SERPINF2: variants seen among roughly 807,000 people sequenced by gnomAD.
SERPINF2 encodes serpin family F member 2.
Under a neutral mutation model 45.0 loss-of-function variants are expected in SERPINF2, and 15 were observed. The ratio of observed to expected loss-of-function variants is 0.33; its 90% CI spans 0.22 to 0.51. SERPINF2 has a LOEUF of 0.51. SERPINF2 is among the 20% of genes least tolerant of loss of function. SERPINF2 has a pLI of 0.97. For synonymous variants in SERPINF2, 283 were observed against 277.9 expected (o/e 1.02, Z -0.18); for missense variants, 518 against 637.4 (o/e 0.81, Z 2.02).
intron 1 of SERPINF2, chr17:1,744,511 A>G (rs1357982071): frequency 5.1e-6 from 5 of 982,182 alleles, no homozygotes; most frequent in Non-Finnish European, 6.0e-6. Flanking sequence ...AAACAACAAA[A>G]AATCCCAAAA....
intron 9 of SERPINF2, among the ~76,000 whole-genome samples, chr17:1,753,366 G>T (rs1398659228): frequency 1.3e-5 from 2 of 152,140 alleles, no homozygotes; most frequent in Non-Finnish European, 2.9e-5. Context: ...TCCAGCCTCA[G>T]CAAAAGAACT....
chr17:1,746,986 C>T (rs1288993401), intron 5 of SERPINF2, 33 bp from the exon 6 acceptor site: 1 of 1,597,610 alleles, frequency 6.3e-7, no homozygotes, highest in Non-Finnish European at 8.5e-7. Flanking sequence ...AAAGGACCCG[C>T]AGCCGGGCCT....
At chr17:1,744,178 G>C (rs976377055) in intron 1 of SERPINF2, among the ~76,000 whole-genome samples, 3 of 150,774 alleles carry the variant, frequency 2.0e-5, no homozygotes, top group Non-Finnish European at 4.4e-5. Context: ...TTACAGGCTT[G>C]AGCCACCGTG....
At chr17:1,754,037 C>T in intron 9 of SERPINF2, 85 bp from the exon 10 acceptor site, 2 of 1,512,282 alleles carry the variant, frequency 1.3e-6, no homozygotes, top group Non-Finnish European at 1.8e-6. Flanking sequence ...GTTCCCTGGC[C>T]AGGATCTCAG....
chr17:1,746,657 C>A (rs537916076), intron 5 of SERPINF2, among the ~76,000 whole-genome samples: 6 of 152,118 alleles, frequency 3.9e-5, no homozygotes, highest in Non-Finnish European at 7.4e-5. Flanking sequence ...GAACTCTCGA[C>A]CTAAGGTGAT....
At chr17:1,747,805 CCA>C (rs1457578818) in intron 7 of SERPINF2, among the ~76,000 whole-genome samples, 1 of 151,962 alleles carries the variant, frequency 6.6e-6, no homozygotes. Flanking sequence ...CTCAGGTGAT[CCA>C]CCCACCTCGG....
At position 1,745,983 on chromosome 17, in the gene SERPINF2, G is replaced by C; in HGVS notation, c.367+74G>C. 1 of 1,520,950 alleles carries C rather than the reference G, an allele frequency of 6.6e-7. No individual in the cohort carries two copies. The highest frequency in any genetic ancestry group is 9.1e-7 in the Non-Finnish European group (1 of 1,096,550). The allele number at this position is 1,520,950 out of a possible 1,614,324, so 94.2% of individuals were successfully genotyped here. A position where few individuals can be genotyped will look rare whatever the true frequency, so the allele number is the denominator to read the frequency against. On this transcript the variant is annotated intron_variant, in intron 5 of 9. Coordinates refer to ENST00000453066, the MANE Select transcript of SERPINF2 (RefSeq NM_000934.4). This position sits in a 1 kb window ranked among gnomAD's most constrained non-coding sequence, Gnocchi z 6.2. ...GAACTCAGTACTCCAATGGTTCTCCGCGGGCGGTTCCTCCACCAGGGTCAC... is the reference window on the plus strand; with the variant it reads ...GAACTCAGTACTCCAATGGTTCTCCCCGGGCGGTTCCTCCACCAGGGTCAC...
intron 9 of SERPINF2, 65 bp from the exon 10 acceptor site, chr17:1,754,057 C>T: frequency 6.3e-7 from 1 of 1,582,344 alleles, no homozygotes; most frequent in Non-Finnish European, 8.6e-7. Flanking sequence ...GACACCCTCC[C>T]AAGCAGCTCC....
chr17:1,748,711 T>C lies in SERPINF2; in HGVS notation c.829T>C (p.Trp277Arg). ...GCAGGCCCGCACGTACCCGCTGCGC[T>C]GGTTCTTGCTGGAGCAGCCTGAGAT... Reference protein sequence around the residue: ...MMQARTYPLRWFLLEQPEIQV... With the variant: ...MMQARTYPLRRFLLEQPEIQV... Residue 277 changes from tryptophan (W) to arginine (R), a missense_variant, in exon 8 of 10, where the codon TGG becomes CGG. Trp to Arg is a moderately radical substitution (Grantham distance 101). This residue lies in a region of SERPINF2 where 435 missense variants were observed against 577.3 expected (regional missense o/e 0.75). Coordinates refer to ENST00000453066, the MANE Select transcript of SERPINF2 (RefSeq NM_000934.4). 1.3e-6 allele frequency: 2 copies of C among 1,527,584 alleles called. No individual in the cohort carries two copies. The highest frequency in any genetic ancestry group is 1.8e-6 in the Non-Finnish European group (2 of 1,101,192). 94.6% of individuals were successfully genotyped at this position (1,527,584 alleles called of 1,614,324 possible).
intron 1 of SERPINF2, 23 bp from the exon 2 acceptor site, chr17:1,744,969 A>G: frequency 1.2e-6 from 2 of 1,613,564 alleles, no homozygotes; most frequent in Non-Finnish European, 1.7e-6. Context: ...AGATGGGAAC[A>G]GAGCTTTCTG....
intron 8 of SERPINF2, among the ~76,000 whole-genome samples, chr17:1,749,104 G>T (rs912343432): frequency 1.3e-5 from 2 of 152,198 alleles, no homozygotes; most frequent in Admixed American, 6.5e-5. Flanking sequence ...TCCAGACGCT[G>T]GGAAGCGCTG....
Position 1,745,903 on chromosome 17 carries a change from G to A in SERPINF2, c.361G>A (p.Ala121Thr), listed in dbSNP as rs142502473. ...TGTGGCCCTGGCGCTGTCTCACCTGGCACTAGGTACCCTGGCACCACTTGT... is the reference window on the plus strand; with the variant it reads ...TGTGGCCCTGGCGCTGTCTCACCTGACACTAGGTACCCTGGCACCACTTGT... Reference protein sequence around the residue: ...LSVALALSHLALGAQNHTLQR... With the variant: ...LSVALALSHLTLGAQNHTLQR... The change falls in exon 5 of 10, where the codon GCA becomes ACA. Residue 121 changes from alanine (A) to threonine (T), a missense_variant. Physicochemically the swap from Ala to Thr is moderately conservative, Grantham distance 58. This residue lies in a region of SERPINF2 where 435 missense variants were observed against 577.3 expected (regional missense o/e 0.75). Coordinates refer to ENST00000453066, the MANE Select transcript of SERPINF2 (RefSeq NM_000934.4). This position sits in a 1 kb window ranked among gnomAD's most constrained non-coding sequence, Gnocchi z 6.2. 2.3e-4 allele frequency: 379 copies of A among 1,613,754 alleles called. No individual in the cohort carries two copies. The highest frequency in any genetic ancestry group is 3.0e-4 in the Non-Finnish European group (355 of 1,179,970).
rs549493386 is a variant in SERPINF2 at position 1,748,282 on chromosome 17, C to T, written c.716-316C>T. ...TCGTGCCACTGCACTCCAGCCTGGG[C>T]GACAGAGCGAGACTCCGTCTAAAAA... On this transcript the variant is annotated intron_variant, in intron 7 of 9. Coordinates refer to ENST00000453066, the MANE Select transcript of SERPINF2 (RefSeq NM_000934.4). Among the ~76,000 whole-genome samples the T allele has an allele frequency of 5.0e-4, 72 of 143,716 alleles. 1 individual carries two copies. Among genetic ancestry groups the T allele is most frequent in the Admixed American group, 4.1e-3 (59 of 14,242 alleles). 94.3% of individuals were successfully genotyped at this position (143,716 alleles called of 152,430 possible).
chr17:1,751,503 C>T (rs1223216383), intron 8 of SERPINF2, among the ~76,000 whole-genome samples: 1 of 134,614 alleles, frequency 7.4e-6, no homozygotes, highest in Admixed American at 7.4e-5. Context: ...GCCTGTAATC[C>T]CAGCACTTTG....
At position 1,745,368 on chromosome 17, in the gene SERPINF2, A is replaced by G. The variant is rs1177894678; in HGVS notation, c.138A>G (p.Pro46=). The change falls in exon 4 of 10, where the codon CCA becomes CCG. Residue 46 remains proline, a synonymous_variant. Coordinates refer to ENST00000453066, the MANE Select transcript of SERPINF2 (RefSeq NM_000934.4). This position sits in a 1 kb window ranked among gnomAD's most constrained non-coding sequence, Gnocchi z 6.2. ...GGCCGAACCAGGAGCAGGTGTCCCC[A>G]CTTACCCTCCTCAAGTTGGGCAACC... The part of the protein sequence containing the change: ...TSGPNQEQVS[P]LTLLKLGNQE... 3 of 1,610,102 alleles carry G rather than the reference A, an allele frequency of 1.9e-6. No homozygotes were observed. The highest frequency in any genetic ancestry group is 2.5e-6 in the Non-Finnish European group (3 of 1,179,362).
chr17:1,751,113 C>T (rs1444337641), intron 8 of SERPINF2, among the ~76,000 whole-genome samples: 1 of 152,160 alleles, frequency 6.6e-6, no homozygotes, highest in Non-Finnish European at 1.5e-5. Flanking sequence ...GCCCTCGAGC[C>T]CTGTGGTGTC....
Position 1,747,132 on chromosome 17 carries a change from C to A in SERPINF2, c.481C>A (p.Arg161=), listed in dbSNP as rs992515917. The A allele has an allele frequency of 1.9e-6, 3 of 1,611,962 alleles. No homozygotes were observed. In the Admixed American group the frequency reaches 5.0e-5, roughly 27 times the overall value. ...CCAGGACCTGGGCCCCGGCGCGTTC[C>A]GACTGGCTGCCAGGATGTACCTGCA... The part of the protein sequence containing the change: ...LCQDLGPGAF[R]LAARMYLQKG... The change falls in exon 6 of 10, where the codon CGA becomes AGA. Residue 161 remains arginine, a synonymous_variant. Coordinates refer to ENST00000453066, the MANE Select transcript of SERPINF2 (RefSeq NM_000934.4).
At position 1,755,076 on chromosome 17, in the gene SERPINF2, T is replaced by A. The variant is rs1201303338; in HGVS notation, c.*542T>A. ...CCTCCATCCTACCCCCTGTGCCTTG[T>A]CACGCCAGACTTCCCACGGCTCCTC... On this transcript the variant is annotated 3_prime_UTR_variant, in exon 10 of 10. Transcript: ENST00000453066. The surrounding 1 kb of genome is among the most constrained non-coding windows in gnomAD (Gnocchi z 4.2). 1 of 156,066 alleles carries A rather than the reference T, an allele frequency of 6.4e-6. No individual in the cohort carries two copies. The highest frequency in any genetic ancestry group is 1.9e-4 in the East Asian group (1 of 5,250). The allele number at this position is 156,066 out of a possible 1,614,324, so 9.7% of individuals were successfully genotyped here.
chr17:1,747,419 G>A lies in SERPINF2; in HGVS notation c.622G>A (p.Val208Met), dbSNP rs202070354. ...EDDLANINQWVKEATEGKIQE... is the reference protein window; with the variant it reads ...EDDLANINQWMKEATEGKIQE... ...TGACCTGGCAAACATCAACCAATGG[G>A]TGAAGGAGGCCACGGAGGGGAAGAT... is the stretch of plus-strand genomic sequence containing the variant. The change falls in exon 7 of 10, where the codon GTG (valine) becomes ATG (methionine). Residue 208 changes from valine to methionine, a missense_variant. Val to Met is a conservative substitution (Grantham distance 21, BLOSUM62 1). Around this residue, in one of 2 missense-constraint regions of SERPINF2, gnomAD observed 435 missense variants for 577.3 expected, o/e 0.75. Coordinates refer to ENST00000453066, the MANE Select transcript of SERPINF2 (RefSeq NM_000934.4). The A allele has an allele frequency of 9.9e-6, 16 of 1,614,182 alleles. No individual in the cohort carries two copies. The East Asian group carries it at 3.6e-4, about 36-fold the overall frequency.
Sources: gnomAD v4.1 joint callset for allele counts (sites outside exome capture counted in the v4.1 genomes callset) on GRCh38, gnomAD v4.1.1 for gene constraint, gnomAD v4.1.1 regional missense constraint, Gnocchi (gnomAD v3.1) non-coding constraint, MANE v1.5 for transcripts, NCBI Gene and HGNC (gene_info 2026-07-23, HGNC 2026-07-21) for gene names.